Variants in DLGAP2 observed in about 807,000 individuals in gnomAD.
DLGAP2 encodes the protein disks large-associated protein 2.
Under a neutral mutation model 100.3 loss-of-function variants are expected in DLGAP2, and 26 were observed. The ratio of observed to expected loss-of-function variants is 0.26; its 90% CI spans 0.19 to 0.36. The LOEUF (loss-of-function observed/expected upper bound fraction) is 0.36. Ranked by LOEUF, DLGAP2 falls within the 10% of genes least tolerant of loss-of-function variation. The probability of loss-of-function intolerance (pLI) is 1.00; values close to 1 mark genes in which losing one functional copy is unlikely to be tolerated. For missense variants in DLGAP2, 1,858 were observed against 1,453.2 expected (o/e 1.28, Z -4.53); for synonymous variants, 886 against 630.1 (o/e 1.41, Z -6.08).
intron 11 of DLGAP2, among the ~76,000 whole-genome samples, chr8:1,677,133 A>T (rs773633820): frequency 8.5e-5 from 13 of 152,224 alleles, no homozygotes; most frequent in Non-Finnish European, 1.9e-4. Flanking sequence ...TGTATTGTCT[A>T]TTTCATAAAA....
chr8:1,355,910 T>A (rs897881349), intron 3 of DLGAP2, among the ~76,000 whole-genome samples: 2 of 152,174 alleles, frequency 1.3e-5, no homozygotes, highest in Non-Finnish European at 2.9e-5. Flanking sequence ...ATATTCAAAT[T>A]AAGCACATTC....
chr8:1,185,272 G>A (rs1183856817), intron 2 of DLGAP2, among the ~76,000 whole-genome samples: 2 of 152,062 alleles, frequency 1.3e-5, no homozygotes, highest in African/African-American at 2.4e-5. Flanking sequence ...GAGTTTCTTT[G>A]TCAAACTTCA....
At chr8:1,322,902 A>G (rs1196779628) in intron 3 of DLGAP2, among the ~76,000 whole-genome samples, 1 of 152,190 alleles carries the variant, frequency 6.6e-6, no homozygotes, top group Non-Finnish European at 1.5e-5. Context: ...GTGTACTATT[A>G]TCGGAGTGTC....
At position 1,245,722 on chromosome 8, in the gene DLGAP2, G is replaced by C. The variant is rs141595499; in HGVS notation, c.74-13129G>C. ...TGCACTTTCAGTGGGTGAATCATAT[G>C]GTGTGTGAATGATATCTGAATAAAG... On this transcript the variant is annotated intron_variant, in intron 2 of 14. Transcript: ENST00000637795. Among the ~76,000 whole-genome samples the C allele has an allele frequency of 2.0e-3, 307 of 152,280 alleles. 2 individuals carry two copies. The highest frequency in any genetic ancestry group is 6.0e-3 in the African/African-American group (249 of 41,552).
intron 2 of DLGAP2, among the ~76,000 whole-genome samples, chr8:1,070,018 C>G (rs1374345266): frequency 6.6e-6 from 1 of 152,192 alleles, no homozygotes; most frequent in East Asian, 1.9e-4. Flanking sequence ...ATGTTTTGTT[C>G]TTGGACTTAA....
chr8:1,390,368 C>CT (rs561207272), intron 3 of DLGAP2, among the ~76,000 whole-genome samples: 22 of 151,728 alleles, frequency 1.4e-4, no homozygotes, highest in South Asian at 6.3e-4. Flanking sequence ...TAAAATAATA[C>CT]TTTTTTTTTC....
intron 3 of DLGAP2, among the ~76,000 whole-genome samples, chr8:1,392,043 T>C (rs1359204553): frequency 6.6e-6 from 1 of 152,216 alleles, no homozygotes; most frequent in African/African-American, 2.4e-5. Flanking sequence ...TCTATCCCCT[T>C]GTTGCGATGC....
At chr8:1,631,397 A>C (rs1382919351) in intron 7 of DLGAP2, among the ~76,000 whole-genome samples, 1 of 152,152 alleles carries the variant, frequency 6.6e-6, no homozygotes, top group African/African-American at 2.4e-5. Context: ...CTTTGACAGG[A>C]ATGACACAAT....
chr8:965,610 CTGG>C (rs1354974513), intron 2 of DLGAP2, among the ~76,000 whole-genome samples: 32 of 138,782 alleles, frequency 2.3e-4, no homozygotes, highest in African/African-American at 5.9e-4. Flanking sequence ...GCTCCTGAGT[CTGG>C]CCCCGCACTG....
intron 2 of DLGAP2, among the ~76,000 whole-genome samples, chr8:1,184,958 C>T (rs1287072845): frequency 6.6e-6 from 1 of 152,128 alleles, no homozygotes; most frequent in East Asian, 1.9e-4. Flanking sequence ...ATTTCAGACC[C>T]AGGTTTGCTA....
At position 760,447 on chromosome 8, in the gene DLGAP2, A is replaced by T. The variant is rs145270698; in HGVS notation, c.18+22622A>T. 2.6e-5 allele frequency among the ~76,000 whole-genome samples: 4 copies of T among 152,306 alleles called. No individual in the cohort carries two copies. The East Asian group carries it at 7.7e-4, about 29-fold the overall frequency. On this transcript the variant is annotated intron_variant, in intron 1 of 14. Coordinates refer to ENST00000637795, the MANE Select transcript of DLGAP2 (RefSeq NM_001346810.2). ...TCATTTTGTTGATGTCCGTCTTCAA[A>T]TAATTTCCTAAAGTTTCTCATCTTG...
chr8:935,748 A>G (rs1799056327), intron 2 of DLGAP2, among the ~76,000 whole-genome samples: 1 of 152,138 alleles, frequency 6.6e-6, no homozygotes, highest in Admixed American at 6.5e-5. Context: ...CTCTAGTTTC[A>G]GAGCTTCCCT....
At chr8:914,871 A>C (rs1798558310) in intron 2 of DLGAP2, among the ~76,000 whole-genome samples, 1 of 152,146 alleles carries the variant, frequency 6.6e-6, no homozygotes, top group South Asian at 2.1e-4. Flanking sequence ...TGTGGTGCAG[A>C]TCTGTGGGGC....
At chr8:986,224 C>G (rs1800483242) in intron 2 of DLGAP2, among the ~76,000 whole-genome samples, 2 of 152,152 alleles carry the variant, frequency 1.3e-5, no homozygotes, top group African/African-American at 4.8e-5. Flanking sequence ...GGATGTTTAG[C>G]ACAGCAGGGG....
intron 6 of DLGAP2, chr8:1,622,383 A>G (rs1312729210): frequency 6.6e-6 from 1 of 152,232 alleles, no homozygotes; most frequent in African/African-American, 2.4e-5. Flanking sequence ...GAGATGGTTT[A>G]CGTTGTGTAT....
chr8:997,671 C>T (rs1165923861), intron 2 of DLGAP2, among the ~76,000 whole-genome samples: 3 of 152,108 alleles, frequency 2.0e-5, no homozygotes, highest in Admixed American at 2.0e-4. Context: ...TTGTTCATCC[C>T]AGTAAACATA....
chr8:1,128,044 C>T (rs988453882), intron 2 of DLGAP2, among the ~76,000 whole-genome samples: 3 of 152,254 alleles, frequency 2.0e-5, no homozygotes, highest in Non-Finnish European at 4.4e-5. Flanking sequence ...AGCAGCCCCA[C>T]ATTTCAATAC....
chr8:1,255,135 G>C (rs1293900645), intron 2 of DLGAP2, among the ~76,000 whole-genome samples: 1 of 138,628 alleles, frequency 7.2e-6, no homozygotes, highest in African/African-American at 2.8e-5. Context: ...CTGCCCGGGC[G>C]CTGAGTGTGT....
At chr8:1,271,482 T>C (rs1459855176) in intron 3 of DLGAP2, among the ~76,000 whole-genome samples, 3 of 152,214 alleles carry the variant, frequency 2.0e-5, no homozygotes, top group Non-Finnish European at 4.4e-5. Context: ...CCCAAGCCCA[T>C]TTATCAGGCA....
Sources: gnomAD v4.1 joint callset for allele counts (sites outside exome capture counted in the v4.1 genomes callset) on GRCh38, gnomAD v4.1.1 for gene constraint, MANE v1.5 for transcripts, NCBI Gene and HGNC (gene_info 2026-07-23, HGNC 2026-07-21) for gene names.